Variants in AGO2 observed in about 807,000 individuals in gnomAD.
The protein encoded by AGO2 is protein argonaute-2.
A neutral mutation model predicts 102.3 loss-of-function variants in AGO2; 5 were observed. The ratio of observed to expected loss-of-function variants is 0.05; its 90% confidence interval spans 0.03 to 0.10. The LOEUF (loss-of-function observed/expected upper bound fraction) is 0.10, where lower values mean the gene tolerates loss of function less well. Among genes scored for constraint, AGO2 ranks in the 10% least tolerant of loss-of-function variants. The pLI, the probability that AGO2 is intolerant of heterozygous loss-of-function variation, is 1.00. For synonymous variants in AGO2, 449 were observed against 473.1 expected (o/e 0.95, Z 0.66); for missense variants, 541 against 1,183.7 (o/e 0.46, Z 7.97).
intron 1 of AGO2, among the ~76,000 whole-genome samples, chr8:140,632,805 G>C (rs1379351307): frequency 6.6e-6 from 1 of 152,092 alleles, no homozygotes; most frequent in Non-Finnish European, 1.5e-5. Flanking sequence ...GTTTGTGATT[G>C]GTATAATGTA....
At chr8:140,568,299 A>AAAAAAAAAAG (rs1368365026) in intron 3 of AGO2, among the ~76,000 whole-genome samples, 1 of 150,424 alleles carries the variant, frequency 6.6e-6, no homozygotes, top group African/African-American at 2.4e-5. Flanking sequence ...AAAAAAAAAA[A>AAAAAAAAAAG]AGAGAGAGCA....
At position 140,546,481 on chromosome 8, in the gene AGO2, C is replaced by A. The variant is rs554926401; in HGVS notation, c.1748+987G>T. Among the ~76,000 whole-genome samples, 4 of 152,362 alleles carry A rather than the reference C, an allele frequency of 2.6e-5. No homozygotes were observed. In the South Asian group the frequency reaches 8.3e-4, roughly 32 times the overall value. ...TGTGGTGGCCAAGCACAGGCCTGTG[C>A]ACACAGCAGGGGCTCACCACCGCCC... On this transcript the variant is annotated intron_variant, in intron 13 of 18. Coordinates refer to ENST00000220592, the MANE Select transcript of AGO2 (RefSeq NM_012154.5).
chr8:140,573,717 G>A (rs1390732740), intron 2 of AGO2, among the ~76,000 whole-genome samples: 1 of 152,250 alleles, frequency 6.6e-6, no homozygotes, highest in Non-Finnish European at 1.5e-5. Flanking sequence ...CAGAGCTTGT[G>A]ACATTTGTGT....
At chr8:140,609,391 G>A (rs1448976079) in intron 1 of AGO2, among the ~76,000 whole-genome samples, 2 of 152,248 alleles carry the variant, frequency 1.3e-5, no homozygotes, top group African/African-American at 4.8e-5. Context: ...CCACGCTTGG[G>A]GGTCAGCCTG....
chr8:140,551,244 C>T (rs2072988086), intron 11 of AGO2, 59 bp downstream of exon 11: 1 of 1,428,730 alleles, frequency 7.0e-7, no homozygotes, highest in African/African-American at 1.4e-5. Flanking sequence ...CAAGTGGTCA[C>T]TTGAGCTGCC....
At chr8:140,620,049 C>T (rs890731717) in intron 1 of AGO2, among the ~76,000 whole-genome samples, 1 of 152,128 alleles carries the variant, frequency 6.6e-6, no homozygotes, top group African/African-American at 2.4e-5. Flanking sequence ...ATACAAGGAT[C>T]CCAGAGCATC....
chr8:140,586,596 T>C (rs528372557), intron 1 of AGO2, among the ~76,000 whole-genome samples: 1 of 152,228 alleles, frequency 6.6e-6, no homozygotes, highest in East Asian at 1.9e-4. Flanking sequence ...TCTGATGACT[T>C]TTCATAAGCT....
chr8:140,545,614 G>A (rs2072885726), intron 13 of AGO2, among the ~76,000 whole-genome samples: 1 of 152,100 alleles, frequency 6.6e-6, no homozygotes, highest in Non-Finnish European at 1.5e-5. Context: ...GTTCATCCAC[G>A]CCCAGTGCTC....
intron 1 of AGO2, among the ~76,000 whole-genome samples, chr8:140,620,225 T>A (rs1178515243): frequency 1.3e-5 from 2 of 152,086 alleles, no homozygotes. Flanking sequence ...GCATGGACTA[T>A]CCAGAAAATG....
intron 2 of AGO2, among the ~76,000 whole-genome samples, chr8:140,575,165 C>T (rs1163793786): frequency 6.6e-6 from 1 of 152,158 alleles, no homozygotes; most frequent in South Asian, 2.1e-4. Context: ...CAGGGAACAG[C>T]CCCGAAGGCC....
At chr8:140,549,999 G>A (rs988385500) in intron 11 of AGO2, among the ~76,000 whole-genome samples, 7 of 152,212 alleles carry the variant, frequency 4.6e-5, no homozygotes, top group Admixed American at 1.3e-4. Context: ...ATTAGATCAG[G>A]TCAAGAAACA....
intron 1 of AGO2, among the ~76,000 whole-genome samples, chr8:140,631,112 C>A (rs1347776364): frequency 1.3e-5 from 2 of 152,150 alleles, no homozygotes; most frequent in African/African-American, 2.4e-5. Context: ...CCATGAGCAA[C>A]TGGGTCTCCA....
At position 140,589,844 on chromosome 8, in the gene AGO2, C is replaced by T. The variant is rs1263665793; in HGVS notation, c.23-4533G>A. 2.0e-5 allele frequency among the ~76,000 whole-genome samples: 3 copies of T among 151,984 alleles called. No individual in the cohort carries two copies. Among genetic ancestry groups the T allele is most frequent in the Non-Finnish European group, 2.9e-5 (2 of 68,018 alleles). On this transcript the variant is annotated intron_variant, in intron 1 of 18. Coordinates refer to ENST00000220592, the MANE Select transcript of AGO2 (RefSeq NM_012154.5). The surrounding 1 kb of genome is among the most constrained non-coding windows in gnomAD (Gnocchi z 4.2). ...GGAGTGATGGCTCAGTGAGTACAGA[C>T]CAGAGAGTAGATGCTATCAAGCTGT...
chr8:140,560,633 T>A (rs2073183952), intron 4 of AGO2, 123 bp from the exon 5 acceptor site: 2 of 1,190,612 alleles, frequency 1.7e-6, no homozygotes, highest in Non-Finnish European at 2.3e-6. Context: ...CCCCTCCTTT[T>A]AAATCCACGT....
At chr8:140,550,508 T>C (rs904790485) in intron 11 of AGO2, among the ~76,000 whole-genome samples, 18 of 152,336 alleles carry the variant, frequency 1.2e-4, no homozygotes, top group African/African-American at 4.1e-4. Flanking sequence ...GGTACTCACC[T>C]GGGCAGGTGG....
At chr8:140,554,704 AT>A (rs1285632602) in intron 10 of AGO2, among the ~76,000 whole-genome samples, 26 of 151,880 alleles carry the variant, frequency 1.7e-4, no homozygotes, top group African/African-American at 6.3e-4. Flanking sequence ...AGTATTTTTT[AT>A]TTTTTGAGAC....
At chr8:140,615,621 T>C (rs2074132306) in intron 1 of AGO2, among the ~76,000 whole-genome samples, 1 of 152,264 alleles carries the variant, frequency 6.6e-6, no homozygotes, top group Admixed American at 6.5e-5. Context: ...TAGGAAATGG[T>C]GGCTTCTGTC....
At chr8:140,621,270 A>T (rs538581936) in intron 1 of AGO2, among the ~76,000 whole-genome samples, 2 of 152,308 alleles carry the variant, frequency 1.3e-5, no homozygotes, top group South Asian at 4.1e-4. Flanking sequence ...TGGCCGCAGC[A>T]GTCCCCGACA....
chr8:140,542,900 A>G (rs1267805528), intron 14 of AGO2, among the ~76,000 whole-genome samples: 1 of 152,176 alleles, frequency 6.6e-6, no homozygotes, highest in African/African-American at 2.4e-5. Context: ...GCACTTTGGG[A>G]GGTTGAAGCA....
Sources: gnomAD v4.1 joint callset for allele counts (sites outside exome capture counted in the v4.1 genomes callset) on GRCh38, gnomAD v4.1.1 for gene constraint, Gnocchi (gnomAD v3.1) non-coding constraint, MANE v1.5 for transcripts, NCBI Gene and HGNC (gene_info 2026-07-23, HGNC 2026-07-21) for gene names.